ZNF131: variants seen among roughly 807,000 people sequenced by gnomAD.
ZNF131 encodes the protein zinc finger protein 131.
In ZNF131, 7 loss-of-function variants were observed where a neutral mutation model predicts 60.0. The observed-to-expected ratio is 0.12, with a 90% confidence interval of 0.07 to 0.22. The LOEUF is 0.22. Ranked by LOEUF, ZNF131 falls within the 10% of genes least tolerant of loss-of-function variation. The pLI, the probability that ZNF131 is intolerant of heterozygous loss-of-function variation, is 1.00. For missense variants in ZNF131, 493 were observed against 740.9 expected (o/e 0.67, Z 3.88); for synonymous variants, 257 against 253.2 (o/e 1.01, Z -0.14).
intron 5 of ZNF131, among the ~76,000 whole-genome samples, chr5:43,165,075 T>A (rs538294126): frequency 6.6e-6 from 1 of 152,336 alleles, no homozygotes; most frequent in East Asian, 1.9e-4. Flanking sequence ...CTCAGCTTCC[T>A]GAGTAGCTGG....
chr5:43,123,101 TGAAG>T lies in ZNF131; in HGVS notation c.125-103_125-100del, dbSNP rs550821644. 5.1e-3 allele frequency: 3,847 copies of T among 753,558 alleles called. 6 individuals are homozygous for T. The highest frequency in any genetic ancestry group is 6.6e-3 in the Non-Finnish European group (3,150 of 475,792). 46.7% of individuals were successfully genotyped at this position (753,558 alleles called of 1,614,324 possible). A position where few individuals can be genotyped will look rare whatever the true frequency, so the allele number is the denominator to read the frequency against. On this transcript the variant is annotated intron_variant, in intron 2 of 6. Transcript: ENST00000682664. Reference sequence around the variant, plus strand: ...TTCAATAATTTCTGTAGTTACGTAATGAAGGAAGACCTATTTTGCTTTATATGAT... The same window carrying T: ...TTCAATAATTTCTGTAGTTACGTAATGAAGACCTATTTTGCTTTATATGAT...
At chr5:43,141,718 C>T (rs1264691960) in intron 4 of ZNF131, among the ~76,000 whole-genome samples, 3 of 150,620 alleles carry the variant, frequency 2.0e-5, no homozygotes, top group East Asian at 2.0e-4. Context: ...TGCAGTGAGC[C>T]GAGATTGCAC....
intron 5 of ZNF131, among the ~76,000 whole-genome samples, chr5:43,166,755 A>G (rs901023043): frequency 3.3e-5 from 5 of 151,418 alleles, no homozygotes; most frequent in Non-Finnish European, 5.9e-5. Context: ...TCCCGGGTTC[A>G]AGCAGTTCTC....
At chr5:43,172,482 C>T (rs528540335) in intron 5 of ZNF131, among the ~76,000 whole-genome samples, 16 of 152,122 alleles carry the variant, frequency 1.1e-4, no homozygotes, top group South Asian at 2.1e-4. Context: ...AATAGCCGGG[C>T]GTGCTGGCGC....
intron 4 of ZNF131, among the ~76,000 whole-genome samples, chr5:43,152,773 A>T (rs1302549410): frequency 6.6e-6 from 1 of 151,848 alleles, no homozygotes; most frequent in Non-Finnish European, 1.5e-5. Context: ...ATGCCCAGCT[A>T]ATCTTTTATA....
At chr5:43,173,548 CTGA>C in intron 6 of ZNF131, 100 bp downstream of exon 6, 1 of 1,390,200 alleles carries the variant, frequency 7.2e-7, no homozygotes, top group Non-Finnish European at 9.6e-7. Context: ...GGTATAGGGG[CTGA>C]CGGTTTGGAA....
chr5:43,136,756 G>A (rs919657028), intron 3 of ZNF131, among the ~76,000 whole-genome samples: 7 of 150,632 alleles, frequency 4.6e-5, no homozygotes, highest in African/African-American at 1.7e-4. Context: ...CAAGGTGCTG[G>A]GATTACAGGC....
At chr5:43,160,678 C>CTTTTTTTTTTTTTTTTTTT (rs71608692) in intron 4 of ZNF131, among the ~76,000 whole-genome samples, 6 of 93,032 alleles carry the variant, frequency 6.4e-5, no homozygotes, top group East Asian at 3.9e-4. Context: ...TAGCTTGGAA[C>CTTTTTTTTTTTTTTTTTTT]TTTTTTTTTT....
chr5:43,166,290 C>T (rs900523188), intron 5 of ZNF131, among the ~76,000 whole-genome samples: 25 of 152,184 alleles, frequency 1.6e-4, no homozygotes, highest in African/African-American at 5.3e-4. Flanking sequence ...CGGCCTGTCT[C>T]GACTTTTGAT....
At chr5:43,156,684 T>C (rs774297836) in intron 4 of ZNF131, among the ~76,000 whole-genome samples, 2 of 152,156 alleles carry the variant, frequency 1.3e-5, no homozygotes, top group Non-Finnish European at 2.9e-5. Context: ...GCATTTGGGG[T>C]TGTGAGGTTT....
chr5:43,122,138 G>C lies in ZNF131; in HGVS notation c.85G>C (p.Glu29Gln). 1 of 1,613,926 alleles carries C rather than the reference G, an allele frequency of 6.2e-7. No individual in the cohort carries two copies. The highest frequency in any genetic ancestry group is 8.5e-7 in the Non-Finnish European group (1 of 1,179,962). Residue 29 changes from glutamate (E) to glutamine (Q), a missense_variant, in exon 2 of 7, where the codon GAG (glutamate) becomes CAG (glutamine). This residue lies in a region of ZNF131 where 66 missense variants were observed against 148.0 expected (regional missense o/e 0.45). Coordinates refer to ENST00000682664, the MANE Select transcript of ZNF131 (RefSeq NM_001330707.2). ...MILDRLNEQR[E>Q]QDRFTDITLI... ...CCTCGACCGATTGAATGAACAGCGA[G>C]AGCAGGACCGGTTTACTGACATCAC...
intron 4 of ZNF131, among the ~76,000 whole-genome samples, chr5:43,143,936 T>TTTTTTTTTTTTTC (rs1561411672): frequency 1.8e-5 from 2 of 109,412 alleles, no homozygotes; most frequent in African/African-American, 7.2e-5. Context: ...TTTTTTTTTT[T>TTTTTTTTTTTTTC]CCTTGAGACG....
intron 3 of ZNF131, among the ~76,000 whole-genome samples, chr5:43,125,531 A>C (rs916330470): frequency 6.6e-6 from 1 of 151,772 alleles, no homozygotes; most frequent in African/African-American, 2.4e-5. Context: ...CTGTAATCCC[A>C]GCACTTTGGG....
chr5:43,174,269 G>T (rs938009378), intron 6 of ZNF131, among the ~76,000 whole-genome samples, 178 bp from the exon 7 acceptor site: 1 of 152,234 alleles, frequency 6.6e-6, no homozygotes, highest in Non-Finnish European at 1.5e-5. Context: ...GTGTCAGCTA[G>T]AAGTCCAAAT....
intron 3 of ZNF131, among the ~76,000 whole-genome samples, chr5:43,127,483 C>T (rs922589504): frequency 1.1e-4 from 16 of 152,218 alleles, no homozygotes; most frequent in Non-Finnish European, 1.9e-4. Flanking sequence ...ATGGTGCCTA[C>T]GCACAGTAAA....
intron 5 of ZNF131, among the ~76,000 whole-genome samples, chr5:43,163,241 G>A (rs1224666506): frequency 1.3e-5 from 2 of 152,068 alleles, no homozygotes; most frequent in Non-Finnish European, 2.9e-5. Flanking sequence ...GCCTCCCAAA[G>A]TGCTGGGATT....
rs558336162 is a variant in ZNF131, at chr5:43,173,334, A to G, written c.1071A>G (p.Glu357=). Residue 357 remains glutamate, a synonymous_variant, in exon 6 of 7, where the codon GAA becomes GAG. Transcript: ENST00000682664. ...CTCTAATAGGTGAAAAACCTTTTGA[A>G]TGTCCAAATTGTCATGAACGATTTG... The part of the protein sequence containing the change: ...LRKHTGEKPF[E]CPNCHERFAR... 8.0e-5 allele frequency: 128 copies of G among 1,607,216 alleles called. 1 individual carries two copies. In the South Asian group the frequency reaches 1.4e-3, roughly 17 times the overall value.
At chr5:43,137,411 A>G (rs1746260380) in intron 3 of ZNF131, among the ~76,000 whole-genome samples, 1 of 152,200 alleles carries the variant, frequency 6.6e-6, no homozygotes. Flanking sequence ...AAAAAATTAA[A>G]TTAAAAATGT....
chr5:43,161,235 A>C lies in ZNF131; in HGVS notation c.372-14A>C. 1 of 1,576,940 alleles carries C rather than the reference A, an allele frequency of 6.3e-7. No homozygotes were observed. The highest frequency in any genetic ancestry group is 8.6e-7 in the Non-Finnish European group (1 of 1,166,186). On this transcript the variant is annotated splice_polypyrimidine_tract_variant and intron_variant, in intron 4 of 6. Transcript: ENST00000682664. ...TCTTATAGATTTTTTAAACCCCTAC[A>C]TTATGTATTTCAGGAACAAAGAAAA...
Sources: gnomAD v4.1 joint callset for allele counts (sites outside exome capture counted in the v4.1 genomes callset) on GRCh38, gnomAD v4.1.1 for gene constraint, gnomAD v4.1.1 regional missense constraint, MANE v1.5 for transcripts, NCBI Gene and HGNC (gene_info 2026-07-23, HGNC 2026-07-21) for gene names.